Variants in SNTA1 observed in about 807,000 individuals in gnomAD.
The protein encoded by SNTA1 is alpha-1-syntrophin.
SNTA1 carries 31 observed loss-of-function variants against 47.1 expected under a neutral mutation model. That is an observed-to-expected ratio of 0.66 (90% CI 0.49 to 0.89). The LOEUF (loss-of-function observed/expected upper bound fraction) is 0.89, where lower values mean the gene tolerates loss of function less well. Ranked by LOEUF, SNTA1 falls within the 40% of genes least tolerant of loss-of-function variation. The probability of loss-of-function intolerance (pLI) is 0.00; values close to 1 mark genes in which losing one functional copy is unlikely to be tolerated. For synonymous variants in SNTA1, 300 were observed against 313.6 expected, an observed-to-expected ratio of 0.96 and a Z score of 0.46; for missense variants, 575 against 693.0, an observed-to-expected ratio of 0.83 and a Z score of 1.91.
rs192992870 is a variant in SNTA1, at chr20:33,440,887, C to T, written c.311-1861G>A. On this transcript the variant is annotated intron_variant, in intron 1 of 7. Transcript: ENST00000217381. ...CTCAAACCGGAATCAAGAGACAAGTCGGCTATTCCTATGGCCTCAAAAGAC... is the reference window on the plus strand; with the variant it reads ...CTCAAACCGGAATCAAGAGACAAGTTGGCTATTCCTATGGCCTCAAAAGAC... 1.8e-3 allele frequency among the ~76,000 whole-genome samples: 270 copies of T among 152,276 alleles called. 1 individual carries two copies. In the Middle Eastern group the frequency reaches 0.02, roughly 12 times the overall value.
rs1414481454 is a variant in SNTA1 at position 33,443,353 on chromosome 20, C to T, written c.268G>A (p.Val90Met). The T allele has an allele frequency of 6.8e-7, 1 of 1,474,530 alleles. No individual in the cohort carries two copies. The allele number at this position is 1,474,530 out of a possible 1,614,324, so 91.3% of individuals were successfully genotyped here. ...AGCCCACCGGCGTCGGCCTTGCGCA[C>T]CGTCACGCGGCGCCGCTGGAGCAGT... is the stretch of plus-strand genomic sequence containing the variant. The part of the protein sequence containing the change: ...ALLLQRRRVT[V>M]RKADAGGLGI... Residue 90 changes from valine to methionine, a missense_variant, in exon 1 of 8, where the codon GTG (valine) becomes ATG (methionine). Physicochemically the swap from Val to Met is conservative, Grantham distance 21. Coordinates refer to ENST00000217381, the MANE Select transcript of SNTA1 (RefSeq NM_003098.3).
intron 2 of SNTA1, among the ~76,000 whole-genome samples, chr20:33,422,732 T>C (rs911153919): frequency 6.6e-6 from 1 of 152,122 alleles, no homozygotes; most frequent in African/African-American, 2.4e-5. Flanking sequence ...GTTGAGGCTA[T>C]AGTCAGCCTG....
At chr20:33,437,187 C>T (rs796506052) in intron 2 of SNTA1, among the ~76,000 whole-genome samples, 11 of 151,252 alleles carry the variant, frequency 7.3e-5, no homozygotes, top group African/African-American at 1.2e-4. Context: ...TGCTTGAACC[C>T]GGGAGACGGA....
At position 33,408,691 on chromosome 20, in the gene SNTA1, CCTCA is replaced by C; in HGVS notation, c.1425+6_1425+9del. On this transcript the variant is annotated splice_donor_region_variant and intron_variant, in intron 7 of 7. Coordinates refer to ENST00000217381, the MANE Select transcript of SNTA1 (RefSeq NM_003098.3). ...TCCTCCCCAGGGTGCAGAGGCAGCCCCTCACTCACGATCTCGCCTTCAGCACCTC... is the reference window on the plus strand; with the variant it reads ...TCCTCCCCAGGGTGCAGAGGCAGCCCCTCACGATCTCGCCTTCAGCACCTC... The C allele has an allele frequency of 1.2e-6, 2 of 1,613,856 alleles. No homozygotes were observed. Among genetic ancestry groups the C allele is most frequent in the Non-Finnish European group, 8.5e-7 (1 of 1,179,788 alleles).
Position 33,414,245 on chromosome 20 carries a change from CAAAAAA to C in SNTA1, c.702-1469_702-1464del, listed in dbSNP as rs56186098. ...AAAAGCGAAACTCCGTCTCAAAAAC[CAAAAAA>C]AAAAAAAAAAAAAAAAAAAAACAGA... On this transcript the variant is annotated intron_variant, in intron 3 of 7. Transcript: ENST00000217381. Among the ~76,000 whole-genome samples, 13 of 29,264 alleles carry C rather than the reference CAAAAAA, an allele frequency of 4.4e-4. No individual in the cohort carries two copies. The East Asian group carries it at 4.8e-3, about 11-fold the overall frequency. The allele number at this position is 29,264 out of a possible 152,430, so 19.2% of individuals were successfully genotyped here. A position where few individuals can be genotyped will look rare whatever the true frequency, so the allele number is the denominator to read the frequency against.
chr20:33,409,622 G>A (rs553719746), intron 6 of SNTA1, among the ~76,000 whole-genome samples: 28 of 151,996 alleles, frequency 1.8e-4, no homozygotes, highest in African/African-American at 5.1e-4. Flanking sequence ...TACCATGCCC[G>A]GCTAATTTTT....
chr20:33,440,338 C>T (rs972476701), intron 1 of SNTA1, among the ~76,000 whole-genome samples: 2 of 152,078 alleles, frequency 1.3e-5, no homozygotes, highest in Non-Finnish European at 2.9e-5. Context: ...TGCCTGTAAT[C>T]CCAGTTACTC....
At chr20:33,419,763 C>T (rs1381212333) in intron 2 of SNTA1, among the ~76,000 whole-genome samples, 2 of 152,100 alleles carry the variant, frequency 1.3e-5, no homozygotes, top group African/African-American at 4.8e-5. Context: ...AAATCATGAT[C>T]ATTCCATCCT....
intron 2 of SNTA1, among the ~76,000 whole-genome samples, chr20:33,424,671 G>C (rs950943773): frequency 6.6e-6 from 1 of 151,736 alleles, no homozygotes; most frequent in Non-Finnish European, 1.5e-5. Context: ...ATGTTATTAT[G>C]CCTGGCTAAT....
chr20:33,415,127 CATAT>C (rs1306643485), intron 3 of SNTA1, among the ~76,000 whole-genome samples: 1 of 151,890 alleles, frequency 6.6e-6, no homozygotes, highest in Non-Finnish European at 1.5e-5. Flanking sequence ...CATGCACACA[CATAT>C]GTGCATACAC....
chr20:33,412,285 C>T lies in SNTA1; in HGVS notation c.1040+11G>A, dbSNP rs896110432. The T allele has an allele frequency of 6.8e-6, 11 of 1,608,970 alleles. No individual in the cohort carries two copies. In the African/African-American group the frequency reaches 1.1e-4, roughly 16 times the overall value. ...TTCTGGGGGAGACATACTGCCCCTG[C>T]CTGTGGGTACCTGGTGGCGATGAGT... On this transcript the variant is annotated intron_variant, in intron 5 of 7. Transcript: ENST00000217381.
At chr20:33,412,507 A>G in intron 4 of SNTA1, 68 bp downstream of exon 4, 1 of 1,601,424 alleles carries the variant, frequency 6.2e-7, no homozygotes, top group Non-Finnish European at 8.5e-7. Flanking sequence ...GGCCAGGGGC[A>G]CTGGGAACAG....
chr20:33,411,240 C>T (rs747415174), intron 5 of SNTA1, among the ~76,000 whole-genome samples: 1 of 152,056 alleles, frequency 6.6e-6, no homozygotes, highest in East Asian at 1.9e-4. Flanking sequence ...AGTCCCCAGG[C>T]TTCCTATCCA....
At chr20:33,435,786 A>G (rs560568313) in intron 2 of SNTA1, among the ~76,000 whole-genome samples, 1 of 152,328 alleles carries the variant, frequency 6.6e-6, no homozygotes, top group African/African-American at 2.4e-5. Flanking sequence ...GTTAGAGGGA[A>G]GGCTTGAGTA....
At chr20:33,440,969 T>TGA (rs1990563365) in intron 1 of SNTA1, among the ~76,000 whole-genome samples, 1 of 152,224 alleles carries the variant, frequency 6.6e-6, no homozygotes, top group Non-Finnish European at 1.5e-5. Flanking sequence ...ACCAAAGCCT[T>TGA]AGAGTCTAGA....
chr20:33,433,916 G>A (rs962422328), intron 2 of SNTA1, among the ~76,000 whole-genome samples: 5 of 152,104 alleles, frequency 3.3e-5, no homozygotes, highest in African/African-American at 1.2e-4. Flanking sequence ...CCCAACTTAG[G>A]CCAGGGAAGT....
intron 2 of SNTA1, among the ~76,000 whole-genome samples, chr20:33,424,307 G>A (rs1377598589): frequency 2.1e-5 from 3 of 141,194 alleles, no homozygotes; most frequent in Non-Finnish European, 3.1e-5. Context: ...AGAGTGAAAC[G>A]CCATCTCAAA....
In SNTA1 at chr20:33,443,386, C is replaced by T; in HGVS notation, c.235G>A (p.Glu79Lys). Residue 79 changes from glutamate (E) to lysine (K), a missense_variant, in exon 1 of 8, where the codon GAG becomes AAG. Coordinates refer to ENST00000217381, the MANE Select transcript of SNTA1 (RefSeq NM_003098.3). ...CGGCGCCGCTGGAGCAGTAGCGCCT[C>T]TGGCAGCTGCGGGGGCCCGGCGCCC... ...EPGAGPPQLP[E>K]ALLLQRRRVT... The T allele has an allele frequency of 1.4e-6, 2 of 1,391,642 alleles. No individual in the cohort carries two copies. Among genetic ancestry groups the T allele is most frequent in the Non-Finnish European group, 1.9e-6 (2 of 1,077,934 alleles). 86.2% of individuals were successfully genotyped at this position (1,391,642 alleles called of 1,614,324 possible). A position where few individuals can be genotyped will look rare whatever the true frequency, so the allele number is the denominator to read the frequency against.
intron 2 of SNTA1, 62 bp downstream of exon 2, chr20:33,438,779 G>C: frequency 7.3e-7 from 1 of 1,372,428 alleles, no homozygotes; most frequent in Non-Finnish European, 1.0e-6. Context: ...GCCTGGGGGA[G>C]GTAGAGAAGC....
Sources: allele counts gnomAD v4.1 joint callset (sites outside exome capture counted in the v4.1 genomes callset), GRCh38; gene constraint gnomAD v4.1.1; transcripts MANE v1.5; gene names NCBI Gene and HGNC (gene_info 2026-07-23, HGNC 2026-07-21).